ZNF385D: variants seen among roughly 807,000 people sequenced by gnomAD.
The protein encoded by ZNF385D is zinc finger protein 385D, also known as zinc finger protein 659.
A neutral mutation model predicts 35.8 loss-of-function variants in ZNF385D; 15 were observed. The observed-to-expected ratio is 0.42, with a 90% CI of 0.28 to 0.64. The LOEUF is 0.64. Ranked by LOEUF, ZNF385D falls within the 30% of genes least tolerant of loss-of-function variation. The pLI, the probability that ZNF385D is intolerant of heterozygous loss-of-function variation, is 0.23. For missense variants in ZNF385D, 474 were observed against 494.6 expected, an observed-to-expected ratio of 0.96 and a Z score of 0.39; for synonymous variants, 212 against 186.8, an observed-to-expected ratio of 1.13 and a Z score of -1.10.
At chr3:21,600,341 A>AC (rs1310407166) in intron 2 of ZNF385D, among the ~76,000 whole-genome samples, 1 of 152,028 alleles carries the variant, frequency 6.6e-6, no homozygotes, top group Admixed American at 6.6e-5. Context: ...CTGAATCAGG[A>AC]CCCCTTTGTT....
At chr3:22,190,873 A>T (rs1695973382) in intron 2 of ZNF385D, among the ~76,000 whole-genome samples, 1 of 152,098 alleles carries the variant, frequency 6.6e-6, no homozygotes, top group Non-Finnish European at 1.5e-5. Flanking sequence ...CACATGACCT[A>T]CCACTTTACA....
chr3:21,631,766 A>T (rs1176157751), intron 2 of ZNF385D, among the ~76,000 whole-genome samples: 1 of 152,132 alleles, frequency 6.6e-6, no homozygotes, highest in African/African-American at 2.4e-5. Flanking sequence ...AAACTTCCTG[A>T]TGCCAGAACT....
chr3:22,070,413 A>G (rs987146293), intron 3 of ZNF385D, among the ~76,000 whole-genome samples: 1 of 152,158 alleles, frequency 6.6e-6, no homozygotes, highest in Non-Finnish European at 1.5e-5. Flanking sequence ...CTTTATATTT[A>G]ATATGTCATT....
intron 4 of ZNF385D, among the ~76,000 whole-genome samples, chr3:21,461,880 T>C (rs1221868909): frequency 6.6e-6 from 1 of 152,238 alleles, no homozygotes; most frequent in African/African-American, 2.4e-5. Flanking sequence ...AAGACATATC[T>C]GTGGCCTTAT....
chr3:21,976,174 T>A (rs1001897515), intron 3 of ZNF385D, among the ~76,000 whole-genome samples: 10 of 152,184 alleles, frequency 6.6e-5, no homozygotes, highest in African/African-American at 2.2e-4. Flanking sequence ...ATACCTCTTC[T>A]TGGCCTGCCA....
At chr3:22,146,134 C>G (rs560631679) in intron 3 of ZNF385D, among the ~76,000 whole-genome samples, 2 of 151,732 alleles carry the variant, frequency 1.3e-5, no homozygotes, top group South Asian at 4.2e-4. Context: ...TGCAAACATT[C>G]GAAGAAAGGA....
rs142257039 is a variant in ZNF385D, at chr3:21,757,742, C to G, written c.326-92714G>C. ...TTTGGAACCTCTTTCACCTTTATCT[C>G]ATACAGAGGAAATGACCTAAAGCAT... is the stretch of plus-strand genomic sequence containing the variant. On this transcript the variant is annotated intron_variant, in intron 3 of 5. Transcript: ENST00000494108. Among the ~76,000 whole-genome samples, 423 of 152,300 alleles carry G rather than the reference C, an allele frequency of 2.8e-3. 11 individuals are homozygous for G. In the East Asian group the frequency reaches 0.071, roughly 26 times the overall value.
intron 3 of ZNF385D, among the ~76,000 whole-genome samples, chr3:22,038,721 T>C (rs577131317): frequency 2.0e-5 from 3 of 151,994 alleles, no homozygotes; most frequent in Non-Finnish European, 4.4e-5. Flanking sequence ...TCAAGAATTT[T>C]AGATCTTGAT....
chr3:22,062,347 C>A (rs902906165), intron 3 of ZNF385D, among the ~76,000 whole-genome samples: 2 of 152,098 alleles, frequency 1.3e-5, no homozygotes, highest in African/African-American at 4.8e-5. Flanking sequence ...GAGTCACTTG[C>A]GCCCAGCCTG....
At chr3:21,508,969 C>G (rs1305588991) in intron 4 of ZNF385D, among the ~76,000 whole-genome samples, 1 of 142,410 alleles carries the variant, frequency 7.0e-6, no homozygotes, top group Non-Finnish European at 1.5e-5. Context: ...CACCTGGGGG[C>G]TTTTTTTTTT....
intron 3 of ZNF385D, among the ~76,000 whole-genome samples, chr3:22,022,063 A>T (rs530336982): frequency 6.6e-6 from 1 of 152,176 alleles, no homozygotes; most frequent in Admixed American, 6.5e-5. Context: ...GAACTAATTG[A>T]GTGTGAGTAA....
At chr3:21,762,945 C>T (rs2070683716) in intron 3 of ZNF385D, among the ~76,000 whole-genome samples, 1 of 152,160 alleles carries the variant, frequency 6.6e-6, no homozygotes, top group African/African-American at 2.4e-5. Flanking sequence ...ACAGTGCTGA[C>T]CTAGAGCCCT....
intron 3 of ZNF385D, among the ~76,000 whole-genome samples, chr3:21,765,670 T>C (rs375332339): frequency 1.7e-4 from 26 of 148,982 alleles, no homozygotes; most frequent in Middle Eastern, 7.1e-3. Flanking sequence ...GAGGAAGAAA[T>C]AGAGATACAT....
chr3:21,728,441 C>T (rs1445327747), intron 1 of ZNF385D, among the ~76,000 whole-genome samples: 1 of 152,028 alleles, frequency 6.6e-6, no homozygotes, highest in Admixed American at 6.6e-5. Context: ...GACAGCATTG[C>T]AGGACACATA....
In ZNF385D at chr3:21,465,451, C is replaced by T. The variant is rs1240095920; in HGVS notation, c.440-28248G>A. Among the ~76,000 whole-genome samples the T allele has an allele frequency of 2.0e-5, 3 of 152,180 alleles. No individual in the cohort carries two copies. The highest frequency in any genetic ancestry group is 4.4e-5 in the Non-Finnish European group (3 of 68,028). ...CTGCTCTTCCCAAGAGGGCCACAGC[C>T]TCTCATCACCTGGCCAGAGTAGGTA... On this transcript the variant is annotated intron_variant, in intron 4 of 7. Transcript: ENST00000281523. The surrounding 1 kb of genome is among the most constrained non-coding windows in gnomAD (Gnocchi z 4.2).
At chr3:21,783,117 G>A (rs1213794003) in intron 3 of ZNF385D, among the ~76,000 whole-genome samples, 1 of 152,032 alleles carries the variant, frequency 6.6e-6, no homozygotes, top group East Asian at 1.9e-4. Flanking sequence ...CAACATAGGA[G>A]GCTAATACAA....
At chr3:22,338,537 T>C (rs1023840978) in intron 2 of ZNF385D, among the ~76,000 whole-genome samples, 1 of 152,248 alleles carries the variant, frequency 6.6e-6, no homozygotes, top group Middle Eastern at 3.4e-3. Flanking sequence ...AAATTGATGT[T>C]GGCTCAGAAA....
At position 21,802,554 on chromosome 3, in the gene ZNF385D, T is replaced by A. The variant is rs563688000; in HGVS notation, c.326-137526A>T. ...TTTTCAGAATGGATCTACATTGATT[T>A]AAAAAAAAATAGCATCTGCAATGTA... On this transcript the variant is annotated intron_variant, in intron 3 of 5. Transcript: ENST00000494108. Among the ~76,000 whole-genome samples the A allele has an allele frequency of 3.5e-3, 528 of 151,454 alleles. 6 individuals carry two copies. Among genetic ancestry groups the A allele is most frequent in the African/African-American group, 0.012 (490 of 41,276 alleles).
rs1034126189 is a variant in ZNF385D, at chr3:22,195,388, T to A, written c.107-26353A>T. ...CACATACACACAAACATATATATATTTTTTCTTTCTAGATATAAGTCTTTT... is the reference window on the plus strand; with the variant it reads ...CACATACACACAAACATATATATATATTTTCTTTCTAGATATAAGTCTTTT... On this transcript the variant is annotated intron_variant, in intron 2 of 5. Transcript: ENST00000494108. 5.9e-5 allele frequency among the ~76,000 whole-genome samples: 9 copies of A among 151,946 alleles called. 1 individual carries two copies. The highest frequency in any genetic ancestry group is 8.8e-5 in the Non-Finnish European group (6 of 67,894).
Sources: allele counts gnomAD v4.1 joint callset (sites outside exome capture counted in the v4.1 genomes callset), GRCh38; gene constraint gnomAD v4.1.1; non-coding constraint Gnocchi (gnomAD v3.1); transcripts MANE v1.5; gene names NCBI Gene and HGNC (gene_info 2026-07-23, HGNC 2026-07-21).